PAIP2: variants seen among roughly 807,000 people sequenced by gnomAD.
PAIP2 encodes poly(A) binding protein interacting protein 2.
A neutral mutation model predicts 14.8 loss-of-function variants in PAIP2; 7 were observed. The ratio of observed to expected loss-of-function variants is 0.47; its 90% CI spans 0.27 to 0.89. The LOEUF is 0.89. Among genes scored for constraint, PAIP2 ranks in the 40% least tolerant of loss-of-function variants. The probability of loss-of-function intolerance (pLI) is 0.13; values close to 1 mark genes in which losing one functional copy is unlikely to be tolerated. For synonymous variants in PAIP2, 47 were observed against 45.3 expected, an observed-to-expected ratio of 1.04 and a Z score of -0.15; for missense variants, 122 against 154.7, an observed-to-expected ratio of 0.79 and a Z score of 1.12.
At chr5:139,358,453 C>T (rs1249909299) in intron 1 of PAIP2, among the ~76,000 whole-genome samples, 2 of 152,108 alleles carry the variant, frequency 1.3e-5, no homozygotes, top group Non-Finnish European at 2.9e-5. Flanking sequence ...ACCTTTTTTA[C>T]TCATTTTTTC....
intron 1 of PAIP2, among the ~76,000 whole-genome samples, chr5:139,349,375 A>C (rs1004450133): frequency 3.3e-5 from 5 of 152,058 alleles, no homozygotes; most frequent in Admixed American, 2.6e-4. Context: ...CAGCTTCCTG[A>C]CTAGCTAGAA....
chr5:139,360,777 C>A (rs1332564846), intron 1 of PAIP2, among the ~76,000 whole-genome samples: 1 of 141,852 alleles, frequency 7.0e-6, no homozygotes, highest in African/African-American at 2.6e-5. Context: ...TCCTGCCTTT[C>A]TTTTTTTTTT....
In PAIP2 at chr5:139,368,754, A is replaced by G. The variant is rs1043858566; in HGVS notation, c.340A>G (p.Asn114Asp). The G allele has an allele frequency of 1.5e-5, 25 of 1,613,530 alleles. No homozygotes were observed. The highest frequency in any genetic ancestry group is 1.9e-5 in the Non-Finnish European group (23 of 1,179,666). Residue 114 changes from asparagine to aspartate, a missense_variant, in exon 4 of 4, where the codon AAT (asparagine) becomes GAT (aspartate). Physicochemically the swap from Asn to Asp is conservative, Grantham distance 23. This residue lies in a region of PAIP2 where 46 missense variants were observed against 44.0 expected (regional missense o/e 1.05). Transcript: ENST00000265192. ...CCAGGTCAAGAGCAATCTGAATCCA[A>G]ATGCAAAGGAGTTTGTTCCTGGGGT... ...DLVVKSNLNPNAKEFVPGVKY... is the reference protein window; with the variant it reads ...DLVVKSNLNPDAKEFVPGVKY...
Position 139,369,522 on chromosome 5 carries a change from T to A in PAIP2, c.*724T>A, listed in dbSNP as rs552006369. ...AACATGATTTGAGTGGTGCTTTTCC[T>A]TGCTTTGTTAACCATCACGAGAGTC... On this transcript the variant is annotated 3_prime_UTR_variant, in exon 4 of 4. Transcript: ENST00000265192. 1 of 152,746 alleles carries A rather than the reference T, an allele frequency of 6.5e-6. No homozygotes were observed. Among genetic ancestry groups the A allele is most frequent in the East Asian group, 1.9e-4 (1 of 5,194 alleles). The allele number at this position is 152,746 out of a possible 1,614,324, so 9.5% of individuals were successfully genotyped here. A position where few individuals can be genotyped will look rare whatever the true frequency, so the allele number is the denominator to read the frequency against.
chr5:139,362,405 GTTTTTTTT>G (rs554669690), intron 1 of PAIP2, among the ~76,000 whole-genome samples: 3 of 73,928 alleles, frequency 4.1e-5, no homozygotes, highest in Non-Finnish European at 5.5e-5. Flanking sequence ...GTTTTTGGGT[GTTTTTTTT>G]TTTTTTTTTT....
rs768069937 is a variant in PAIP2 at position 139,363,859 on chromosome 5, T to C, written c.75T>C (p.His25=). The C allele has an allele frequency of 1.9e-6, 3 of 1,613,998 alleles. No individual in the cohort carries two copies. The South Asian group carries it at 3.3e-5, about 18-fold the overall frequency. The part of the protein sequence containing the change: ...NEDVIINGHS[H]EDDNPFAEYM... ...ATGTGATTATTAACGGTCATTCTCA[T>C]GAAGATGACAATCCATTTGCAGAGT... Residue 25 remains histidine (H), a synonymous_variant, in exon 2 of 4, where the codon CAT becomes CAC. Coordinates refer to ENST00000265192, the MANE Select transcript of PAIP2 (RefSeq NM_016480.5).
chr5:139,363,164 A>G (rs1001852289), intron 1 of PAIP2, among the ~76,000 whole-genome samples: 3 of 151,748 alleles, frequency 2.0e-5, no homozygotes, highest in African/African-American at 4.8e-5. Flanking sequence ...TCGCTTAAAC[A>G]TGGGCAGTTG....
At chr5:139,360,960 G>T (rs969489634) in intron 1 of PAIP2, among the ~76,000 whole-genome samples, 1 of 151,244 alleles carries the variant, frequency 6.6e-6, no homozygotes, top group Non-Finnish European at 1.5e-5. Flanking sequence ...TTTTGTATTT[G>T]TAGTAGAGAT....
At chr5:139,344,619 C>T (rs1756480988) in intron 1 of PAIP2, among the ~76,000 whole-genome samples, 1 of 152,040 alleles carries the variant, frequency 6.6e-6, no homozygotes, top group Admixed American at 6.6e-5. Context: ...GATGGGCACA[C>T]GTTTGGAGAA....
intron 1 of PAIP2, among the ~76,000 whole-genome samples, chr5:139,354,376 T>A (rs956117569): frequency 1.3e-5 from 2 of 152,156 alleles, no homozygotes; most frequent in African/African-American, 4.8e-5. Context: ...TGGTGAGAAA[T>A]CAGCTGTTAA....
At chr5:139,361,890 G>A (rs1757075293) in intron 1 of PAIP2, among the ~76,000 whole-genome samples, 1 of 147,178 alleles carries the variant, frequency 6.8e-6, no homozygotes, top group Non-Finnish European at 1.5e-5. Context: ...AGGTTGCGGT[G>A]AGCTGAGATC....
At chr5:139,356,187 C>T (rs1756907586) in intron 1 of PAIP2, among the ~76,000 whole-genome samples, 1 of 151,724 alleles carries the variant, frequency 6.6e-6, no homozygotes, top group Non-Finnish European at 1.5e-5. Context: ...GTGGCTCACG[C>T]CTGTAATACC....
chr5:139,360,803 C>T (rs1253485511), intron 1 of PAIP2, among the ~76,000 whole-genome samples: 1 of 147,184 alleles, frequency 6.8e-6, no homozygotes, highest in African/African-American at 2.5e-5. Context: ...TTTTTGGAGA[C>T]AGGGTCTTGC....
At chr5:139,353,210 A>G (rs1475769992) in intron 1 of PAIP2, among the ~76,000 whole-genome samples, 2 of 151,156 alleles carry the variant, frequency 1.3e-5, no homozygotes, top group Non-Finnish European at 2.9e-5. Context: ...TTTTTACTGT[A>G]TTGTTAAGTC....
chr5:139,355,871 C>A (rs1017700029), intron 1 of PAIP2, among the ~76,000 whole-genome samples: 4 of 150,252 alleles, frequency 2.7e-5, no homozygotes, highest in East Asian at 2.0e-4. Context: ...AATAAATAGG[C>A]TGGGCGTGGT....
intron 3 of PAIP2, 138 bp from the exon 4 acceptor site, chr5:139,368,595 T>C (rs1757446454): frequency 3.2e-6 from 2 of 616,846 alleles, no homozygotes; most frequent in East Asian, 2.8e-5. Flanking sequence ...TTCTTCCTTT[T>C]TGGGGTTTAG....
rs1409970107 is a variant in PAIP2, at chr5:139,364,868, G to A, written c.318+125G>A. The A allele has an allele frequency of 1.1e-5, 7 of 666,102 alleles. No individual in the cohort carries two copies. In the Admixed American group the frequency reaches 1.2e-4, roughly 11 times the overall value. The allele number at this position is 666,102 out of a possible 1,614,324, so 41.3% of individuals were successfully genotyped here. On this transcript the variant is annotated intron_variant, in intron 3 of 3. Transcript: ENST00000265192. ...TTCAGAAATTGTGCTGCTTCTGGCC[G>A]GGCATGTGGCTCACGCCTGTAATCC...
intron 1 of PAIP2, among the ~76,000 whole-genome samples, chr5:139,353,993 A>T (rs1756831839): frequency 6.6e-6 from 1 of 152,228 alleles, no homozygotes; most frequent in African/African-American, 2.4e-5. Context: ...AAGTGCTGGG[A>T]TTACAGGCAT....
chr5:139,347,097 C>T (rs1268572826), intron 1 of PAIP2, among the ~76,000 whole-genome samples: 3 of 152,122 alleles, frequency 2.0e-5, no homozygotes, highest in Non-Finnish European at 4.4e-5. Context: ...GTGTGAGCCA[C>T]TGCACCCAGC....
Sources: allele counts gnomAD v4.1 joint callset (sites outside exome capture counted in the v4.1 genomes callset), GRCh38; gene constraint gnomAD v4.1.1; regional missense constraint gnomAD v4.1.1; transcripts MANE v1.5; gene names NCBI Gene and HGNC (gene_info 2026-07-23, HGNC 2026-07-21).